The following SLC24A2 variants were observed in gnomAD, a reference collection of about 807,000 sequenced individuals.
The protein encoded by SLC24A2 is sodium/potassium/calcium exchanger 2.
Under a neutral mutation model 62.0 loss-of-function variants are expected in SLC24A2, and 36 were observed. The observed-to-expected ratio is 0.58, with a 90% CI of 0.44 to 0.77. SLC24A2 has a LOEUF of 0.77. SLC24A2 is among the 30% of genes least tolerant of loss of function. The probability of loss-of-function intolerance (pLI) is 0.00; values close to 1 mark genes in which losing one functional copy is unlikely to be tolerated. For missense variants in SLC24A2, 846 were observed against 817.9 expected (o/e 1.03, Z -0.42); for synonymous variants, 358 against 294.0 (o/e 1.22, Z -2.23).
intron 7 of SLC24A2, 136 bp from the exon 8 acceptor site, chr9:19,550,404 G>A (rs1470997442): frequency 2.5e-6 from 2 of 801,204 alleles, no homozygotes; most frequent in Non-Finnish European, 4.1e-6. Flanking sequence ...CTTCATATGT[G>A]TGATTTTGAG....
At chr9:20,223,523 T>C in the SLC24A2 span, among the ~76,000 whole-genome samples, 5 of 152,260 alleles carry the variant, frequency 3.3e-5, no homozygotes, top group African/African-American at 9.6e-5. Context: ...GGAAGAAAAC[T>C]GAGAAGAAGA....
intron 2 of SLC24A2, among the ~76,000 whole-genome samples, chr9:19,685,201 C>A (rs949257511): frequency 6.6e-6 from 1 of 151,972 alleles, no homozygotes; most frequent in Non-Finnish European, 1.5e-5. Context: ...CACAGCTAAC[C>A]AGAGAGGTGA....
At chr9:19,563,233 C>A (rs943195934) in intron 7 of SLC24A2, among the ~76,000 whole-genome samples, 2 of 152,084 alleles carry the variant, frequency 1.3e-5, no homozygotes, top group African/African-American at 2.4e-5. Flanking sequence ...TAAATACACA[C>A]ACACCGCTTT....
the SLC24A2 span, among the ~76,000 whole-genome samples, chr9:19,850,980 TA>T: frequency 1.2e-4 from 5 of 42,064 alleles, no homozygotes; most frequent in African/African-American, 5.0e-4. Context: ...TATATATATA[TA>T]TATGTATATA....
chr9:19,721,645 T>C (rs1821027824), intron 2 of SLC24A2, among the ~76,000 whole-genome samples: 1 of 152,146 alleles, frequency 6.6e-6, no homozygotes, highest in African/African-American at 2.4e-5. Context: ...TAAAGTGTCA[T>C]TTAATCTCCA....
chr9:20,051,653 T>TTC, the SLC24A2 span, among the ~76,000 whole-genome samples: 1,052 of 123,410 alleles, frequency 8.5e-3, 63 homozygotes, highest in East Asian at 0.024. Context: ...GGTTTTTTCT[T>TTC]TCTCTTTTTT....
chr9:20,223,991 G>C, the SLC24A2 span, among the ~76,000 whole-genome samples: 1 of 151,986 alleles, frequency 6.6e-6, no homozygotes, highest in East Asian at 1.9e-4. Context: ...AAGTGAGAGA[G>C]TGAGGAATGA....
chr9:19,865,925 G>T, the SLC24A2 span, among the ~76,000 whole-genome samples: 1 of 152,182 alleles, frequency 6.6e-6, no homozygotes, highest in Admixed American at 6.5e-5. Flanking sequence ...CACAGAATGG[G>T]AGACAATATT....
At chr9:20,160,451 T>A in the SLC24A2 span, among the ~76,000 whole-genome samples, 1 of 151,388 alleles carries the variant, frequency 6.6e-6, no homozygotes, top group South Asian at 2.1e-4. Flanking sequence ...CATAAATATA[T>A]GTCAAGCATT....
At chr9:19,874,277 G>A in the SLC24A2 span, among the ~76,000 whole-genome samples, 5 of 151,666 alleles carry the variant, frequency 3.3e-5, no homozygotes, top group African/African-American at 1.2e-4. Flanking sequence ...ATGGGGTTTC[G>A]CCATGTTGGC....
At chr9:19,564,087 C>A (rs1175812457) in intron 7 of SLC24A2, among the ~76,000 whole-genome samples, 1 of 151,996 alleles carries the variant, frequency 6.6e-6, no homozygotes, top group Non-Finnish European at 1.5e-5. Flanking sequence ...AACTCCTGAG[C>A]TCAAGTGATC....
chr9:20,226,849 G>A, the SLC24A2 span, among the ~76,000 whole-genome samples: 1 of 152,178 alleles, frequency 6.6e-6, no homozygotes, highest in African/African-American at 2.4e-5. Context: ...AAACCTGACT[G>A]TTTGCAAATA....
intron 4 of SLC24A2, among the ~76,000 whole-genome samples, chr9:19,606,952 G>A (rs1333508489): frequency 6.6e-6 from 1 of 152,140 alleles, no homozygotes; most frequent in Admixed American, 6.5e-5. Flanking sequence ...GAGTGTTGTG[G>A]CCAGTGCAAA....
chr9:19,529,785 C>T (rs1364344162), intron 8 of SLC24A2, among the ~76,000 whole-genome samples: 3 of 147,512 alleles, frequency 2.0e-5, no homozygotes, highest in Non-Finnish European at 3.0e-5. Context: ...GAGTCTCACT[C>T]GGTCACCCAG....
chr9:19,907,125 A>G, the SLC24A2 span, among the ~76,000 whole-genome samples: 1 of 152,228 alleles, frequency 6.6e-6, no homozygotes, highest in East Asian at 1.9e-4. Flanking sequence ...AAGCTTATCC[A>G]TCATGATCAA....
chr9:19,745,569 T>G (rs1343284119), intron 2 of SLC24A2, among the ~76,000 whole-genome samples: 2 of 152,156 alleles, frequency 1.3e-5, no homozygotes, highest in Admixed American at 6.6e-5. Flanking sequence ...AAGGCGATTG[T>G]GATGGCTGCA....
chr9:20,162,575 T>C, the SLC24A2 span, among the ~76,000 whole-genome samples: 1 of 152,014 alleles, frequency 6.6e-6, no homozygotes, highest in Non-Finnish European at 1.5e-5. Flanking sequence ...GTACCATTCC[T>C]TCTGAAACTA....
intron 8 of SLC24A2, among the ~76,000 whole-genome samples, chr9:19,546,530 C>G (rs923750788): frequency 6.6e-6 from 1 of 152,128 alleles, no homozygotes. Context: ...GGTTGACACC[C>G]CTTCCCCCAC....
intron 2 of SLC24A2, among the ~76,000 whole-genome samples, chr9:19,652,919 C>G (rs1300055295): frequency 2.7e-5 from 4 of 148,016 alleles, no homozygotes; most frequent in African/African-American, 1.0e-4. Context: ...AACGATGAGA[C>G]AAACCTTCTC....
Sources: allele counts gnomAD v4.1 joint callset (sites outside exome capture counted in the v4.1 genomes callset), GRCh38; gene constraint gnomAD v4.1.1; transcripts MANE v1.5; gene names NCBI Gene and HGNC (gene_info 2026-07-23, HGNC 2026-07-21).